The following PRLR variants were observed in gnomAD, a reference collection of about 807,000 sequenced individuals.
The protein encoded by PRLR is prolactin receptor.
A neutral mutation model predicts 40.2 loss-of-function variants in PRLR; 13 were observed. The observed-to-expected ratio is 0.32, with a 90% CI of 0.21 to 0.51. PRLR has a LOEUF of 0.51. Ranked by LOEUF, PRLR falls within the 20% of genes least tolerant of loss-of-function variation. The pLI, the probability that PRLR is intolerant of heterozygous loss-of-function variation, is 0.97. For synonymous variants in PRLR, 269 were observed against 278.7 expected, an observed-to-expected ratio of 0.97 and a Z score of 0.35; for missense variants, 656 against 747.3, an observed-to-expected ratio of 0.88 and a Z score of 1.42.
intron 1 of PRLR, among the ~76,000 whole-genome samples, chr5:35,129,682 T>TA (rs1773594493): frequency 6.6e-6 from 1 of 151,846 alleles, no homozygotes. Context: ...TTTTTTTTTT[T>TA]ACTCATTGGG....
chr5:35,106,412 A>G (rs1311694249), intron 2 of PRLR, among the ~76,000 whole-genome samples: 5 of 152,238 alleles, frequency 3.3e-5, no homozygotes, highest in Non-Finnish European at 7.3e-5. Context: ...AAATGCTCCA[A>G]TTAAAAGACA....
chr5:35,227,731 T>C (rs1776587124), intron 1 of PRLR, among the ~76,000 whole-genome samples: 1 of 152,196 alleles, frequency 6.6e-6, no homozygotes, highest in African/African-American at 2.4e-5. Flanking sequence ...AGAGAGTACA[T>C]GCTGAGTTGG....
intron 1 of PRLR, among the ~76,000 whole-genome samples, chr5:35,217,436 T>C (rs1449603773): frequency 6.6e-6 from 1 of 152,188 alleles, no homozygotes; most frequent in Non-Finnish European, 1.5e-5. Context: ...CTGCTGTTCA[T>C]CCCTAAATAG....
At chr5:35,086,429 C>A in intron 3 of PRLR, 89 bp from the exon 4 acceptor site, 2 of 1,504,950 alleles carry the variant, frequency 1.3e-6, no homozygotes, top group Non-Finnish European at 1.8e-6. Context: ...ATTGATGGAC[C>A]AAAGCCAGCG....
In PRLR at chr5:35,132,163, C is replaced by T. The variant is rs568977413; in HGVS notation, c.-105-14041G>A. ...TTCAGGGGTAATTGATTTCCACTTA[C>T]CAACCTATCCAAAACACATGGAGGA... On this transcript the variant is annotated intron_variant, in intron 1 of 9. Coordinates refer to ENST00000618457, the MANE Select transcript of PRLR (RefSeq NM_000949.7). Among the ~76,000 whole-genome samples, 17 of 152,258 alleles carry T rather than the reference C, an allele frequency of 1.1e-4. No individual in the cohort carries two copies. The East Asian group carries it at 2.7e-3, about 24-fold the overall frequency.
intron 6 of PRLR, among the ~76,000 whole-genome samples, chr5:35,071,466 T>C (rs1769741682): frequency 6.6e-6 from 1 of 152,262 alleles, no homozygotes; most frequent in African/African-American, 2.4e-5. Flanking sequence ...TGTGTGATCC[T>C]ATTATTTTGG....
intron 1 of PRLR, chr5:35,130,263 T>G (rs956578063): frequency 6.6e-6 from 1 of 152,194 alleles, no homozygotes; most frequent in African/African-American, 2.4e-5. Context: ...TGTGGCTTGA[T>G]TTGGTTTACA....
intron 1 of PRLR, among the ~76,000 whole-genome samples, chr5:35,196,413 G>C (rs914217279): frequency 7.2e-5 from 11 of 152,214 alleles, no homozygotes; most frequent in African/African-American, 2.7e-4. Flanking sequence ...AGCCTGCTCA[G>C]AATCTGGCAT....
intron 1 of PRLR, among the ~76,000 whole-genome samples, chr5:35,149,817 A>AT (rs1435935556): frequency 2.0e-5 from 3 of 151,858 alleles, no homozygotes; most frequent in Non-Finnish European, 4.4e-5. Flanking sequence ...AGTAAGAGTG[A>AT]TTTTCTACAT....
intron 2 of PRLR, among the ~76,000 whole-genome samples, chr5:35,117,570 C>A (rs1461935434): frequency 6.6e-6 from 1 of 152,160 alleles, no homozygotes; most frequent in Non-Finnish European, 1.5e-5. Flanking sequence ...TGAGAGAAGA[C>A]CCAGAGCCTG....
chr5:35,143,308 T>C (rs1774076106), intron 1 of PRLR, among the ~76,000 whole-genome samples: 1 of 152,200 alleles, frequency 6.6e-6, no homozygotes, highest in Non-Finnish European at 1.5e-5. Context: ...TTTACAAAAA[T>C]GGTTCTAAAA....
chr5:35,075,115 C>A (rs1362115818), intron 5 of PRLR, among the ~76,000 whole-genome samples: 3 of 152,198 alleles, frequency 2.0e-5, no homozygotes, highest in Non-Finnish European at 4.4e-5. Flanking sequence ...TCTACAGCTC[C>A]CAGCGTGAGC....
intron 1 of PRLR, among the ~76,000 whole-genome samples, chr5:35,215,678 A>T (rs1174688945): frequency 6.6e-6 from 1 of 152,068 alleles, no homozygotes; most frequent in African/African-American, 2.4e-5. Context: ...AAGATGTACA[A>T]AAGACCCTCA....
chr5:35,177,096 GTGTT>G (rs1328124387), intron 1 of PRLR, among the ~76,000 whole-genome samples: 1 of 152,096 alleles, frequency 6.6e-6, no homozygotes, highest in Non-Finnish European at 1.5e-5. Flanking sequence ...CTTTGTTCAC[GTGTT>G]TGTCTGCTGA....
intron 1 of PRLR, among the ~76,000 whole-genome samples, chr5:35,145,987 A>G (rs950781935): frequency 6.6e-6 from 1 of 152,126 alleles, no homozygotes; most frequent in Admixed American, 6.5e-5. Flanking sequence ...TTCCCAATAG[A>G]CGACATATAG....
intron 2 of PRLR, among the ~76,000 whole-genome samples, chr5:35,099,257 A>T (rs181654158): frequency 2.0e-4 from 31 of 152,280 alleles, no homozygotes; most frequent in African/African-American, 6.3e-4. Context: ...AACTTTGCCC[A>T]CTGTAGACTG....
intron 1 of PRLR, among the ~76,000 whole-genome samples, chr5:35,179,700 A>T (rs967856885): frequency 6.6e-6 from 1 of 152,060 alleles, no homozygotes; most frequent in African/African-American, 2.4e-5. Context: ...TCCCCACCCA[A>T]ATTTCATGTT....
chr5:35,187,342 A>C (rs6451189), intron 1 of PRLR, among the ~76,000 whole-genome samples: 1 of 151,442 alleles, frequency 6.6e-6, no homozygotes, highest in Non-Finnish European at 1.5e-5. Context: ...CAGAGGTTGT[A>C]GTGAGCCGAG....
chr5:35,229,583 C>G (rs560533681), intron 1 of PRLR, among the ~76,000 whole-genome samples: 1 of 152,238 alleles, frequency 6.6e-6, no homozygotes, highest in Non-Finnish European at 1.5e-5. Context: ...CCTTCTCCAG[C>G]GGGCTCTCCT....
Sources: gnomAD v4.1 joint callset for allele counts (sites outside exome capture counted in the v4.1 genomes callset) on GRCh38, gnomAD v4.1.1 for gene constraint, MANE v1.5 for transcripts, NCBI Gene and HGNC (gene_info 2026-07-23, HGNC 2026-07-21) for gene names.